Variants in TTN observed in about 807,000 individuals in gnomAD.
TTN encodes titin.
In TTN, 1,525 loss-of-function variants were observed where a neutral mutation model predicts 3,223.0. The observed-to-expected ratio is 0.47, with a 90% CI of 0.45 to 0.49. The LOEUF is 0.49. Among genes scored for constraint, TTN ranks in the 20% least tolerant of loss-of-function variants. The probability of loss-of-function intolerance (pLI) is 0.00; values close to 1 mark genes in which losing one functional copy is unlikely to be tolerated. For missense variants in TTN, 40,786 were observed against 43,424.0 expected (o/e 0.94, Z 5.40); for synonymous variants, 14,094 against 15,161.0 (o/e 0.93, Z 5.17).
rs201738153 is a variant in TTN at position 178,684,747 on chromosome 2, G to T, written c.32557C>A (p.Pro10853Thr). 3 of 1,613,014 alleles carry T rather than the reference G, an allele frequency of 1.9e-6. No homozygotes were observed. The African/African-American group carries it at 4.0e-5, about 22-fold the overall frequency. Reference protein sequence around the residue: ...KKEKVPPPKVPEEPKKPVPEK... With the variant: ...KKEKVPPPKVTEEPKKPVPEK... ...GGAACTGGTTTCTTTGGCTCTTCTGGCACTTAAAAGATACCAGGCAATACC... is the reference window on the plus strand; with the variant it reads ...GGAACTGGTTTCTTTGGCTCTTCTGTCACTTAAAAGATACCAGGCAATACC... The change falls in exon 131 of 363, where the codon CCA (proline) becomes ACA (threonine). Residue 10853 changes from proline (P) to threonine (T), a missense_variant and splice_region_variant. By Grantham distance (38) the Pro-to-Thr change is conservative (BLOSUM62 -1). Coordinates refer to ENST00000589042, the MANE Select transcript of TTN (RefSeq NM_001267550.2).
chr2:178,754,858 T>C lies in TTN; in HGVS notation c.11254+1364A>G, dbSNP rs75890838. Among the ~76,000 whole-genome samples the C allele has an allele frequency of 2.0e-3, 301 of 152,306 alleles. 3 individuals are homozygous for C. Among genetic ancestry groups the C allele is most frequent in the African/African-American group, 6.8e-3 (283 of 41,578 alleles). On this transcript the variant is annotated intron_variant, in intron 46 of 362. Transcript: ENST00000589042. ...TCTCATTAAGAAAGAATAAGACCTC[T>C]TTTTGGTGAGTAGGTGTTGCGGATA...
intron 135 of TTN, 64 bp downstream of exon 135, chr2:178,682,633 T>C (rs1577356610): frequency 7.2e-7 from 1 of 1,384,006 alleles, no homozygotes; most frequent in East Asian, 2.6e-5. Flanking sequence ...TGATTTATCT[T>C]GTTTTATCTT....
chr2:178,728,181 G>A lies in TTN; in HGVS notation c.19643C>T (p.Thr6548Ile). ...LEVNNLELED[T>I]ANYTCKVSNV... is the part of the protein sequence containing the mutation. ...TGACACTTTGCATGTGTAATTTGCA[G>A]TATCTTCTAATTCCAGATTATTAAC... Residue 6548 changes from threonine to isoleucine, a missense_variant, in exon 67 of 363, where the codon ACT becomes ATT. Physicochemically the swap from Thr to Ile is moderately conservative, Grantham distance 89. Transcript: ENST00000589042. The A allele has an allele frequency of 6.2e-7, 1 of 1,612,290 alleles. No individual in the cohort carries two copies. Among genetic ancestry groups the A allele is most frequent in the Non-Finnish European group, 8.5e-7 (1 of 1,178,972 alleles).
chr2:178,531,385 G>T lies in TTN; in HGVS notation c.105230C>A (p.Ser35077Tyr), dbSNP rs1575230418. Residue 35077 changes from serine to tyrosine, a missense_variant, in exon 358 of 363, where the codon TCT becomes TAT. Coordinates refer to ENST00000589042, the MANE Select transcript of TTN (RefSeq NM_001267550.2). ...CTGTGATTTCACTTCCCTGACAGAA[G>T]ACGAAGCTTCCATCTCAGATGTTTT... The part of the protein sequence containing the change: ...FKKTSEMEAS[S>Y]SVREVKSQMT... 1 of 1,614,022 alleles carries T rather than the reference G, an allele frequency of 6.2e-7. No individual in the cohort carries two copies. Among genetic ancestry groups the T allele is most frequent in the East Asian group, 2.2e-5 (1 of 44,890 alleles).
intron 330 of TTN, chr2:178,556,455 C>CAAAAAAAAAAAAA (rs1358914365): frequency 5.5e-6 from 1 of 182,758 alleles, no homozygotes. Context: ...AACAAACAAA[C>CAAAAAAAAAAAAA]AAAAAAAAAA....
intron 163 of TTN, among the ~76,000 whole-genome samples, chr2:178,666,448 G>C (rs2065943235): frequency 6.6e-6 from 1 of 152,100 alleles, no homozygotes; most frequent in African/African-American, 2.4e-5. Flanking sequence ...CCCTAGGTTG[G>C]AGGATATTCT....
Position 178,695,860 on chromosome 2 carries a change from C to G in TTN, c.31207+5G>C, listed in dbSNP as rs876658051. ...AGGGAAACAAGTCATTCAGTTTATA[C>G]ATACCTTCATAGACCTCCTTTTGAA... On this transcript the variant is annotated splice_donor_5th_base_variant and intron_variant, in intron 114 of 362. Transcript: ENST00000589042. 1 of 1,440,994 alleles carries G rather than the reference C, an allele frequency of 6.9e-7. No homozygotes were observed. Among genetic ancestry groups the G allele is most frequent in the African/African-American group, 1.4e-5 (1 of 69,470 alleles). 89.3% of individuals were successfully genotyped at this position (1,440,994 alleles called of 1,614,324 possible).
chr2:178,529,433 CAA>C (rs1395178440), intron 359 of TTN: 1 of 398,382 alleles, frequency 2.5e-6, no homozygotes, highest in Non-Finnish European at 4.4e-6. Context: ...TAAACTGAGC[CAA>C]AGATGATTCA....
In TTN at chr2:178,535,506, T is replaced by C. The variant is rs750240807; in HGVS notation, c.101109A>G (p.Arg33703=). Residue 33703 remains arginine (R), a synonymous_variant, in exon 358 of 363, where the codon CGA becomes CGG. Coordinates refer to ENST00000589042, the MANE Select transcript of TTN (RefSeq NM_001267550.2). The part of the protein sequence containing the change: ...PRGVKVSDVS[R]DSVNLTWTEP... ...CAGTCCATGTTAAGTTGACAGAATC[T>C]CGTGAGACATCACTAACTTTGACTC... 1.2e-6 allele frequency: 2 copies of C among 1,613,922 alleles called. No homozygotes were observed. Among genetic ancestry groups the C allele is most frequent in the Non-Finnish European group, 1.7e-6 (2 of 1,179,834 alleles).
chr2:178,702,200 C>T lies in TTN; in HGVS notation c.30479G>A (p.Arg10160Lys). ...IARLEPRGEA[R>K]STAELYLTTK... ...CGTTAGGTACAGCTCTGCCGTGCTTCTTGCTTCACCTCTTGGCTCCAGCCG... is the reference window on the plus strand; with the variant it reads ...CGTTAGGTACAGCTCTGCCGTGCTTTTTGCTTCACCTCTTGGCTCCAGCCG... Residue 10160 changes from arginine (R) to lysine (K), a missense_variant, in exon 108 of 363, where the codon AGA becomes AAA. Transcript: ENST00000589042. The T allele has an allele frequency of 6.2e-7, 1 of 1,613,998 alleles. No homozygotes were observed. Among genetic ancestry groups the T allele is most frequent in the Non-Finnish European group, 8.5e-7 (1 of 1,179,892 alleles).
Position 178,777,885 on chromosome 2 carries a change from G to T in TTN, c.4299C>A (p.Ser1433=). The T allele has an allele frequency of 6.2e-7, 1 of 1,613,914 alleles. No individual in the cohort carries two copies. The highest frequency in any genetic ancestry group is 8.5e-7 in the Non-Finnish European group (1 of 1,179,916). The change falls in exon 25 of 363, where the codon TCC becomes TCA. Residue 1433 remains serine, a synonymous_variant. Coordinates refer to ENST00000589042, the MANE Select transcript of TTN (RefSeq NM_001267550.2). The stretch of plus-strand genomic sequence containing the variant: ...TACGTCCAGGGGACATTCTTGCAGG[G>T]GACATCCGTGCAGGAGACATCCTTG... ...SPARMSPARM[S]PARMSPGRRL...
At chr2:178,734,029 A>C in intron 52 of TTN, 137 bp from the exon 53 acceptor site, 1 of 948,782 alleles carries the variant, frequency 1.1e-6, no homozygotes, top group Non-Finnish European at 1.5e-6. Context: ...AGAAGAAGAA[A>C]TAAAAGTTAA....
At position 178,756,750 on chromosome 2, in the gene TTN, T is replaced by C. The variant is rs6433728; in HGVS notation, c.10726A>G (p.Thr3576Ala). Residue 3576 changes from threonine (T) to alanine (A), a missense_variant, in exon 46 of 363, where the codon ACC (threonine) becomes GCC (alanine). Coordinates refer to ENST00000589042, the MANE Select transcript of TTN (RefSeq NM_001267550.2). Reference sequence around the variant, plus strand: ...GAATCTGCCACTGCCTGGGACTTGGTGGACTCTCTTACATCTTTCCCAGAA... The same window carrying C: ...GAATCTGCCACTGCCTGGGACTTGGCGGACTCTCTTACATCTTTCCCAGAA... ...QSSGKDVRES[T>A]KSQAVADSSF... 335 of 1,613,842 alleles carry C rather than the reference T, an allele frequency of 2.1e-4. No homozygotes were observed. The African/African-American group carries it at 4.0e-3, about 19-fold the overall frequency.
At chr2:178,778,413 A>ATTT in intron 24 of TTN, 1 of 248,660 alleles carries the variant, frequency 4.0e-6, no homozygotes, top group Non-Finnish European at 7.8e-6. Context: ...ATGAATTTGG[A>ATTT]AACAAAACAA....
In TTN at chr2:178,774,068, A is replaced by T. The variant is rs1234347852; in HGVS notation, c.7100T>A (p.Val2367Asp). 2 of 1,614,060 alleles carry T rather than the reference A, an allele frequency of 1.2e-6. No homozygotes were observed. The highest frequency in any genetic ancestry group is 2.2e-5 in the South Asian group (2 of 91,074). ...AAGCTGAACAATGTCACCCTCACAG[A>T]CTTTTTGGTCACTAAGTCCTTGTAG... Reference protein sequence around the residue: ...AILQGLSDQKVCEGDIVQLEV... With the variant: ...AILQGLSDQKDCEGDIVQLEV... Residue 2367 changes from valine to aspartate, a missense_variant, in exon 31 of 363, where the codon GTC becomes GAC. Physicochemically the swap from Val to Asp is radical, Grantham distance 152. Transcript: ENST00000589042.
Position 178,653,307 on chromosome 2 carries a change from T to G in TTN, c.38722A>C (p.Lys12908Gln), listed in dbSNP as rs758723067. ...VPPVTVPEAP[K>Q]EVVLEKKVPL... is the part of the protein sequence containing the mutation. Reference sequence around the variant, plus strand: ...ACTTTCTTTTCAAGGACAACTTCTTTGGGAGCCTCTGGCACTTAAAAGATA... The same window carrying G: ...ACTTTCTTTTCAAGGACAACTTCTTGGGGAGCCTCTGGCACTTAAAAGATA... Residue 12908 changes from lysine to glutamine, a missense_variant, in exon 198 of 363, where the codon AAA (lysine) becomes CAA (glutamine). Transcript: ENST00000589042. The G allele has an allele frequency of 6.2e-7, 1 of 1,612,296 alleles. No individual in the cohort carries two copies. The highest frequency in any genetic ancestry group is 1.3e-5 in the African/African-American group (1 of 74,876).
chr2:178,746,977 G>A (rs755405732), intron 47 of TTN: 19 of 1,613,308 alleles, frequency 1.2e-5, no homozygotes, highest in Non-Finnish European at 1.3e-5. Context: ...TTGGTGTACC[G>A]TCTTCCCTTT....
Position 178,573,032 on chromosome 2 carries a change from T to A in TTN, c.73100A>T (p.Glu24367Val). Residue 24367 changes from glutamate (E) to valine (V), a missense_variant, in exon 326 of 363, where the codon GAA becomes GTA. Physicochemically the swap from Glu to Val is moderately radical, Grantham distance 121. Transcript: ENST00000589042. ...GYMVEIALPE[E>V]DEWQIVTPPA... is the part of the protein sequence containing the mutation. ...TGGAGTGACAATCTGCCATTCATCT[T>A]CCTCTGGCAGGGCAATCTCAACCAT... The A allele has an allele frequency of 1.2e-6, 2 of 1,613,102 alleles. No homozygotes were observed. Among genetic ancestry groups the A allele is most frequent in the Non-Finnish European group, 1.7e-6 (2 of 1,179,474 alleles).
In TTN at chr2:178,695,411, C is replaced by T; in HGVS notation, c.31208-1G>A. On this transcript the variant is annotated splice_acceptor_variant, in intron 114 of 362. Coordinates refer to ENST00000589042, the MANE Select transcript of TTN (RefSeq NM_001267550.2). LOFTEE classifies it high-confidence loss of function. ...GCTGGAACTTTTCTCTCATGTGATT[C>T]TGAAATAAAAACACAGGAATAAGAA... The T allele has an allele frequency of 6.2e-7, 1 of 1,611,402 alleles. No individual in the cohort carries two copies.
Sources: gnomAD v4.1 joint callset for allele counts (sites outside exome capture counted in the v4.1 genomes callset) on GRCh38, gnomAD v4.1.1 for gene constraint, MANE v1.5 for transcripts, NCBI Gene and HGNC (gene_info 2026-07-23, HGNC 2026-07-21) for gene names.